Variants in SLC16A1 observed in about 807,000 individuals in gnomAD.
SLC16A1 encodes solute carrier family 16 member 1, also known as monocarboxylate transporter 1.
Under a neutral mutation model 32.2 loss-of-function variants are expected in SLC16A1, and 11 were observed. The observed-to-expected ratio is 0.34, with a 90% CI of 0.21 to 0.56. The LOEUF (loss-of-function observed/expected upper bound fraction) is 0.56. Ranked by LOEUF, SLC16A1 falls within the 20% of genes least tolerant of loss-of-function variation. The probability of loss-of-function intolerance (pLI) is 0.87; values close to 1 mark genes in which losing one functional copy is unlikely to be tolerated. For synonymous variants in SLC16A1, 231 were observed against 226.8 expected (o/e 1.02, Z -0.17); for missense variants, 435 against 615.0 (o/e 0.71, Z 3.10).
At chr1:112,933,768 G>A (rs1649215485) in intron 1 of SLC16A1, among the ~76,000 whole-genome samples, 3 of 152,142 alleles carry the variant, frequency 2.0e-5, no homozygotes, top group Admixed American at 1.3e-4. Context: ...TAAAGCCAAT[G>A]GAACTCTCAT....
chr1:112,927,620 T>C (rs76760679), intron 2 of SLC16A1, among the ~76,000 whole-genome samples: 1,703 of 152,336 alleles, frequency 0.011, 31 homozygotes, highest in African/African-American at 0.039. Flanking sequence ...TCAGGAAGGA[T>C]AGGCCTAATT....
At chr1:112,920,846 T>A (rs895135839) in intron 3 of SLC16A1, among the ~76,000 whole-genome samples, 7 of 151,276 alleles carry the variant, frequency 4.6e-5, no homozygotes, top group African/African-American at 1.7e-4. Context: ...TTAACAAAAT[T>A]CAACATCAGA....
chr1:112,930,454 AT>A (rs773324848), intron 1 of SLC16A1, among the ~76,000 whole-genome samples: 2 of 151,972 alleles, frequency 1.3e-5, no homozygotes, highest in African/African-American at 4.8e-5. Flanking sequence ...GAGTAAATGA[AT>A]TTTTTTTAAT....
At chr1:112,924,937 A>G (rs920764814) in intron 2 of SLC16A1, among the ~76,000 whole-genome samples, 43 of 152,306 alleles carry the variant, frequency 2.8e-4, no homozygotes, top group Non-Finnish European at 1.6e-4. Flanking sequence ...TTCCATGCCT[A>G]TATTATTAAG....
At chr1:112,937,835 T>G (rs1275251940) in intron 1 of SLC16A1, among the ~76,000 whole-genome samples, 1 of 152,182 alleles carries the variant, frequency 6.6e-6, no homozygotes, top group Non-Finnish European at 1.5e-5. Context: ...AGTGATAGGG[T>G]AATGAGAAAA....
intron 1 of SLC16A1, among the ~76,000 whole-genome samples, chr1:112,950,385 C>T (rs1249253707): frequency 6.6e-6 from 1 of 152,170 alleles, no homozygotes; most frequent in East Asian, 1.9e-4. Flanking sequence ...CAATAATCTT[C>T]AAAAGGTTTG....
chr1:112,925,534 G>A (rs1005107076), intron 2 of SLC16A1, among the ~76,000 whole-genome samples: 5 of 151,852 alleles, frequency 3.3e-5, no homozygotes, highest in African/African-American at 7.3e-5. Context: ...GCATGCCACC[G>A]TGCCGGGCTA....
intron 2 of SLC16A1, chr1:112,923,469 G>A (rs1010377483): frequency 3.1e-5 from 24 of 768,622 alleles, no homozygotes; most frequent in East Asian, 2.4e-4. Context: ...ATGGGGCGCC[G>A]TAGTCACCCG....
chr1:112,923,150 T>C lies in SLC16A1; in HGVS notation c.218-1017A>G, dbSNP rs377210192. ...GCCTGACCGACATGGAGAAACCTCA[T>C]CACTACTAAAAATACAAAATTAGCT... On this transcript the variant is annotated intron_variant, in intron 2 of 4. Transcript: ENST00000369626. 2.2e-4 allele frequency among the ~76,000 whole-genome samples: 34 copies of C among 152,138 alleles called. No homozygotes were observed. In the East Asian group the frequency reaches 4.1e-3, roughly 18 times the overall value.
chr1:112,937,576 C>G (rs1335388435), intron 1 of SLC16A1, among the ~76,000 whole-genome samples: 2 of 151,964 alleles, frequency 1.3e-5, no homozygotes, highest in Non-Finnish European at 2.9e-5. Flanking sequence ...CATATTATTT[C>G]CTTTTTTAAC....
At chr1:112,930,911 G>A (rs1245960236) in intron 1 of SLC16A1, among the ~76,000 whole-genome samples, 1 of 152,116 alleles carries the variant, frequency 6.6e-6, no homozygotes, top group Non-Finnish European at 1.5e-5. Flanking sequence ...TAGAGACGGG[G>A]TTTGGCCATG....
At chr1:112,930,798 C>A (rs937820303) in intron 1 of SLC16A1, among the ~76,000 whole-genome samples, 1 of 150,146 alleles carries the variant, frequency 6.7e-6, no homozygotes, top group South Asian at 2.1e-4. Context: ...GATCTTGGCT[C>A]ACTACAACCT....
intron 1 of SLC16A1, among the ~76,000 whole-genome samples, chr1:112,948,741 G>A (rs564383052): frequency 3.5e-4 from 54 of 152,132 alleles, no homozygotes; most frequent in Non-Finnish European, 6.9e-4. Context: ...GACCTCAGGT[G>A]TTCTGCCTGC....
At position 112,921,293 on chromosome 1, in the gene SLC16A1, A is replaced by G. The variant is rs150447015; in HGVS notation, c.361+697T>C. The stretch of plus-strand genomic sequence containing the variant: ...ATCTCTGATATATTGTGGTGGGATA[A>G]TAAGTGAGTATAACTTTTTTGGAGG... On this transcript the variant is annotated intron_variant, in intron 3 of 4. Transcript: ENST00000369626. Among the ~76,000 whole-genome samples the G allele has an allele frequency of 8.9e-3, 1,351 of 152,332 alleles. 10 individuals carry two copies. The highest frequency in any genetic ancestry group is 0.015 in the Non-Finnish European group (1,002 of 68,030).
intron 1 of SLC16A1, among the ~76,000 whole-genome samples, chr1:112,943,707 G>C (rs986660738): frequency 6.8e-5 from 10 of 147,278 alleles, no homozygotes; most frequent in African/African-American, 2.3e-4. Flanking sequence ...AGAATCACTT[G>C]AACTCAGGAG....
At chr1:112,929,941 C>T (rs1176909049) in intron 1 of SLC16A1, among the ~76,000 whole-genome samples, 1 of 152,182 alleles carries the variant, frequency 6.6e-6, no homozygotes, top group Non-Finnish European at 1.5e-5. Context: ...TACCCCAATT[C>T]CACGGGGGAA....
intron 4 of SLC16A1, among the ~76,000 whole-genome samples, chr1:112,915,897 T>C (rs1027372140): frequency 6.6e-6 from 1 of 152,230 alleles, no homozygotes; most frequent in Non-Finnish European, 1.5e-5. Flanking sequence ...TTTTTCACTA[T>C]GTGTTATGTA....
Position 112,929,322 on chromosome 1 carries a change from A to G in SLC16A1, c.-14T>C, listed in dbSNP as rs1184991375. ...TGCTGGTGGCATTTTAAGTGTAGATAAATTCCAAAATGCAGGTCAAATCCA... is the reference window on the plus strand; with the variant it reads ...TGCTGGTGGCATTTTAAGTGTAGATGAATTCCAAAATGCAGGTCAAATCCA... On this transcript the variant is annotated 5_prime_UTR_variant, in exon 2 of 5. Coordinates refer to ENST00000369626, the MANE Select transcript of SLC16A1 (RefSeq NM_003051.4). 6.8e-6 allele frequency: 11 copies of G among 1,608,678 alleles called. No individual in the cohort carries two copies. The highest frequency in any genetic ancestry group is 9.4e-6 in the Non-Finnish European group (11 of 1,175,838).
chr1:112,954,271 C>T (rs534129771), intron 1 of SLC16A1, among the ~76,000 whole-genome samples: 1 of 152,314 alleles, frequency 6.6e-6, no homozygotes, highest in South Asian at 2.1e-4. Flanking sequence ...AATCTATTTT[C>T]AGGCTGAGAT....
Sources: gnomAD v4.1 joint callset for allele counts (sites outside exome capture counted in the v4.1 genomes callset) on GRCh38, gnomAD v4.1.1 for gene constraint, MANE v1.5 for transcripts, NCBI Gene and HGNC (gene_info 2026-07-23, HGNC 2026-07-21) for gene names.